CEP63: variants seen among roughly 807,000 people sequenced by gnomAD.
The protein encoded by CEP63 is centrosomal protein 63.
In CEP63, 84 loss-of-function variants were observed where a neutral mutation model predicts 89.1. That is an observed-to-expected ratio of 0.94 (90% CI 0.79 to 1.13). The LOEUF is 1.13. Ranked by LOEUF, CEP63 falls within the 50% of genes most tolerant of loss-of-function variation. The probability of loss-of-function intolerance (pLI) is 0.00; values close to 1 mark genes in which losing one functional copy is unlikely to be tolerated. For missense variants in CEP63, 838 were observed against 813.3 expected, an observed-to-expected ratio of 1.03 and a Z score of -0.37; for synonymous variants, 267 against 272.5, an observed-to-expected ratio of 0.98 and a Z score of 0.20.
the CEP63 span, among the ~76,000 whole-genome samples, chr3:134,773,314 G>A: frequency 6.6e-6 from 1 of 152,222 alleles, no homozygotes; most frequent in Non-Finnish European, 1.5e-5. Context: ...TCTTGGAGGA[G>A]CCAGAGCCAG....
At chr3:134,551,067 A>G (rs1029085789) in intron 11 of CEP63, among the ~76,000 whole-genome samples, 6 of 152,186 alleles carry the variant, frequency 3.9e-5, no homozygotes, top group Non-Finnish European at 8.8e-5. Flanking sequence ...ACAGGGAGCA[A>G]GTTTGGTGAA....
In CEP63 at chr3:134,491,739, G is replaced by T. The variant is rs569889729; in HGVS notation, c.-25-3557G>T. Among the ~76,000 whole-genome samples the T allele has an allele frequency of 1.6e-4, 24 of 152,244 alleles. No homozygotes were observed. In the South Asian group the frequency reaches 4.8e-3, roughly 30 times the overall value. On this transcript the variant is annotated intron_variant, in intron 1 of 14. Coordinates refer to ENST00000675561, the MANE Select transcript of CEP63 (RefSeq NM_001353108.3). ...GAACAGCCATAGTTTACTGGCCATGGTATATCTGACACAATCATAGAGCTT... is the reference window on the plus strand; with the variant it reads ...GAACAGCCATAGTTTACTGGCCATGTTATATCTGACACAATCATAGAGCTT...
the CEP63 span, chr3:134,624,989 T>C: frequency 7.1e-7 from 1 of 1,417,140 alleles, no homozygotes; most frequent in Non-Finnish European, 9.8e-7. Context: ...GGGAGAGGTT[T>C]TGCTGCCCTA....
the CEP63 span, among the ~76,000 whole-genome samples, chr3:134,719,191 C>A: frequency 6.6e-6 from 1 of 151,744 alleles, no homozygotes; most frequent in Admixed American, 6.6e-5. Flanking sequence ...AAAATAGAGA[C>A]AGGGTCTCTC....
At chr3:134,604,399 T>C in the CEP63 span, 1 of 1,614,006 alleles carries the variant, frequency 6.2e-7, no homozygotes, top group Non-Finnish European at 8.5e-7. Flanking sequence ...CAGCCCATGC[T>C]CTTGCTTGCC....
chr3:134,677,184 G>T, the CEP63 span, among the ~76,000 whole-genome samples: 6 of 145,668 alleles, frequency 4.1e-5, no homozygotes, highest in African/African-American at 1.0e-4. Context: ...GCTTGAACCC[G>T]GCAGGCGGAG....
the CEP63 span, among the ~76,000 whole-genome samples, chr3:134,756,263 G>A: frequency 6.6e-6 from 1 of 152,122 alleles, no homozygotes; most frequent in Non-Finnish European, 1.5e-5. Context: ...TTCCCGAAGG[G>A]ACTCCCCATA....
intron 10 of CEP63, among the ~76,000 whole-genome samples, chr3:134,549,754 TA>T (rs973432332): frequency 1.2e-3 from 184 of 152,088 alleles, no homozygotes; most frequent in Middle Eastern, 6.9e-3. Context: ...GATTCACAAC[TA>T]AAAAAAAGAA....
the CEP63 span, among the ~76,000 whole-genome samples, chr3:134,651,906 G>A: frequency 6.6e-6 from 1 of 152,144 alleles, no homozygotes. Flanking sequence ...GTACCCCTGG[G>A]CACTACGGGC....
At chr3:134,623,217 G>T in the CEP63 span, among the ~76,000 whole-genome samples, 1 of 152,160 alleles carries the variant, frequency 6.6e-6, no homozygotes, top group Non-Finnish European at 1.5e-5. Context: ...CTGTGGCTGG[G>T]TCTCTGGCCT....
intron 3 of CEP63, among the ~76,000 whole-genome samples, chr3:134,516,992 A>G (rs979249553): frequency 6.6e-6 from 1 of 152,170 alleles, no homozygotes. Context: ...CAAGTAGTGG[A>G]GGGACTAGGT....
chr3:134,715,865 A>G, the CEP63 span, among the ~76,000 whole-genome samples: 2 of 152,124 alleles, frequency 1.3e-5, no homozygotes, highest in South Asian at 4.1e-4. Flanking sequence ...CAAATTTATC[A>G]TCATCTTTAT....
At chr3:134,520,681 GA>G (rs974416115) in intron 3 of CEP63, among the ~76,000 whole-genome samples, 4 of 152,122 alleles carry the variant, frequency 2.6e-5, no homozygotes, top group African/African-American at 7.2e-5. Flanking sequence ...TGCAAGGATA[GA>G]AAAACAGACC....
chr3:134,585,927 A>C (rs746130590), intron 10 of CEP63, among the ~76,000 whole-genome samples: 1 of 152,194 alleles, frequency 6.6e-6, no homozygotes. Context: ...TTCTTGTTGA[A>C]TTGATCCCTT....
At chr3:134,575,573 C>G (rs1428809951), downstream of CEP63, among the ~76,000 whole-genome samples, 5 of 139,312 alleles carry the variant, frequency 3.6e-5, no homozygotes, top group African/African-American at 1.1e-4. Flanking sequence ...CTGTGGCCCT[C>G]TTCCTCCCTC....
At chr3:134,728,668 G>A in the CEP63 span, among the ~76,000 whole-genome samples, 4 of 152,164 alleles carry the variant, frequency 2.6e-5, no homozygotes, top group African/African-American at 9.7e-5. Flanking sequence ...TACTGCAGGT[G>A]TTAAAAACAG....
the CEP63 span, among the ~76,000 whole-genome samples, chr3:134,701,671 C>A: frequency 1.3e-5 from 2 of 151,894 alleles, no homozygotes; most frequent in African/African-American, 4.8e-5. Flanking sequence ...TGGCACAAGA[C>A]AAGGATGCCC....
the CEP63 span, among the ~76,000 whole-genome samples, chr3:134,594,883 A>T: frequency 3.9e-5 from 6 of 152,214 alleles, no homozygotes; most frequent in Non-Finnish European, 8.8e-5. Context: ...TAGAGTTGAT[A>T]TGCCTGTGTG....
rs1381566730 is a variant in CEP63 at position 134,532,941 on chromosome 3, C to T, written c.441+41C>T. ...TAATTTGTTCATAGTGATTGTCAGC[C>T]TTCACGTAGGAAAATGCGGTTTCTA... is the stretch of plus-strand genomic sequence containing the variant. On this transcript the variant is annotated intron_variant, in intron 5 of 14. Transcript: ENST00000675561. The T allele has an allele frequency of 9.3e-6, 15 of 1,608,018 alleles. No homozygotes were observed. In the African/African-American group the frequency reaches 1.3e-4, roughly 14 times the overall value.
Sources: gnomAD v4.1 joint callset for allele counts (sites outside exome capture counted in the v4.1 genomes callset) on GRCh38, gnomAD v4.1.1 for gene constraint, MANE v1.5 for transcripts, NCBI Gene and HGNC (gene_info 2026-07-23, HGNC 2026-07-21) for gene names.